GAB2: variants seen among roughly 807,000 people sequenced by gnomAD.
The protein encoded by GAB2 is GRB2 associated binding protein 2.
In GAB2, 26 loss-of-function variants were observed where a neutral mutation model predicts 65.5. The ratio of observed to expected loss-of-function variants is 0.40; its 90% confidence interval spans 0.29 to 0.55. The LOEUF (loss-of-function observed/expected upper bound fraction) is 0.55, where lower values mean the gene tolerates loss of function less well. GAB2 is among the 20% of genes least tolerant of loss of function. The probability of loss-of-function intolerance (pLI) is 0.53; values close to 1 mark genes in which losing one functional copy is unlikely to be tolerated. For synonymous variants in GAB2, 321 were observed against 329.6 expected (o/e 0.97, Z 0.28); for missense variants, 884 against 875.8 (o/e 1.01, Z -0.12).
chr11:78,236,564 C>T (rs904876146), intron 3 of GAB2, among the ~76,000 whole-genome samples: 2 of 152,120 alleles, frequency 1.3e-5, no homozygotes, highest in Admixed American at 6.5e-5. Flanking sequence ...GCATTATGTT[C>T]AATATTTCTC....
intron 1 of GAB2, among the ~76,000 whole-genome samples, chr11:78,406,829 A>G (rs7110387): frequency 0.16 from 24,962 of 152,250 alleles, 2,764 homozygotes; most frequent in East Asian, 0.43. Flanking sequence ...GCAGGTACAA[A>G]CATGCTTGGA....
intron 1 of GAB2, among the ~76,000 whole-genome samples, chr11:78,349,238 C>T (rs1384692480): frequency 6.6e-6 from 1 of 152,170 alleles, no homozygotes; most frequent in Non-Finnish European, 1.5e-5. Context: ...CCACTGGAAA[C>T]AAGTTAGCAA....
chr11:78,356,713 G>A (rs1856364145), intron 1 of GAB2, among the ~76,000 whole-genome samples: 1 of 152,156 alleles, frequency 6.6e-6, no homozygotes, highest in African/African-American at 2.4e-5. Flanking sequence ...GGAATCTGTA[G>A]AGAACAAAAG....
intron 1 of GAB2, among the ~76,000 whole-genome samples, chr11:78,351,724 A>C (rs1351455210): frequency 3.9e-5 from 6 of 152,168 alleles, no homozygotes; most frequent in African/African-American, 1.4e-4. Flanking sequence ...GAGCTAGGTA[A>C]GTAGATAGGG....
intron 1 of GAB2, among the ~76,000 whole-genome samples, chr11:78,342,723 A>C (rs191425243): frequency 6.6e-6 from 1 of 152,216 alleles, no homozygotes; most frequent in Non-Finnish European, 1.5e-5. Context: ...TTCTTGTTAG[A>C]TATCACAAAA....
chr11:78,396,319 CA>C (rs1410652157), intron 1 of GAB2, among the ~76,000 whole-genome samples: 1 of 152,158 alleles, frequency 6.6e-6, no homozygotes, highest in African/African-American at 2.4e-5. Flanking sequence ...TTAGTTTCAG[CA>C]AAATATCTAC....
intron 1 of GAB2, among the ~76,000 whole-genome samples, chr11:78,378,549 C>T (rs1386629459): frequency 6.6e-6 from 1 of 152,218 alleles, no homozygotes; most frequent in East Asian, 1.9e-4. Flanking sequence ...GATGTGAAGG[C>T]ATTGGTTCTC....
chr11:78,245,727 T>C (rs1865275994), intron 3 of GAB2, among the ~76,000 whole-genome samples: 1 of 152,246 alleles, frequency 6.6e-6, no homozygotes, highest in African/African-American at 2.4e-5. Flanking sequence ...GATTTACTAT[T>C]TCTGTTGCTC....
intron 2 of GAB2, among the ~76,000 whole-genome samples, chr11:78,271,699 T>TA (rs1361942295): frequency 2.6e-5 from 4 of 151,992 alleles, no homozygotes; most frequent in South Asian, 2.1e-4. Context: ...CACAACTCTT[T>TA]AAAAAAAAGG....
intron 1 of GAB2, among the ~76,000 whole-genome samples, chr11:78,401,729 CAT>C (rs1856976331): frequency 6.6e-6 from 1 of 152,066 alleles, no homozygotes; most frequent in African/African-American, 2.4e-5. Context: ...TGAACACACA[CAT>C]ATCACATTTT....
chr11:78,333,868 T>C (rs1323531331), intron 1 of GAB2, among the ~76,000 whole-genome samples: 1 of 152,190 alleles, frequency 6.6e-6, no homozygotes, highest in Non-Finnish European at 1.5e-5. Context: ...ATAAGGATCC[T>C]TTTAAGGTCT....
At chr11:78,326,170 A>G (rs1855819446) in intron 1 of GAB2, among the ~76,000 whole-genome samples, 2 of 152,224 alleles carry the variant, frequency 1.3e-5, no homozygotes. Flanking sequence ...CTTGGAGCTT[A>G]TTCTATATCC....
At chr11:78,277,517 C>A (rs1426685138) in intron 2 of GAB2, among the ~76,000 whole-genome samples, 1 of 152,182 alleles carries the variant, frequency 6.6e-6, no homozygotes, top group Non-Finnish European at 1.5e-5. Flanking sequence ...TTTCTGATAC[C>A]ATCTCAGGAG....
At chr11:78,344,020 G>A (rs2134695025) in intron 1 of GAB2, among the ~76,000 whole-genome samples, 1 of 152,242 alleles carries the variant, frequency 6.6e-6, no homozygotes, top group East Asian at 1.9e-4. Context: ...AAGGTGATGA[G>A]TTGAAGGACT....
intron 1 of GAB2, among the ~76,000 whole-genome samples, chr11:78,391,673 A>C (rs1223047342): frequency 6.6e-6 from 1 of 152,188 alleles, no homozygotes; most frequent in South Asian, 2.1e-4. Flanking sequence ...ACAGGTATGT[A>C]AGTGATGCTT....
intron 1 of GAB2, among the ~76,000 whole-genome samples, chr11:78,292,850 C>A (rs1866718396): frequency 6.6e-6 from 1 of 152,210 alleles, no homozygotes; most frequent in South Asian, 2.1e-4. Flanking sequence ...CTCATTATCA[C>A]ATTTAATCCT....
rs1864114104 is a variant in GAB2, at chr11:78,215,892, C to T, written c.*3380G>A. ...TAGGGGTGCTGGGCCGAGATGTCCCCATGGGAGAAGGGGCCAGAGGGAGGA... is the reference window on the plus strand; with the variant it reads ...TAGGGGTGCTGGGCCGAGATGTCCCTATGGGAGAAGGGGCCAGAGGGAGGA... On this transcript the variant is annotated 3_prime_UTR_variant, in exon 10 of 10. Transcript: ENST00000361507. 2 of 152,690 alleles carry T rather than the reference C, an allele frequency of 1.3e-5. No individual in the cohort carries two copies. Among genetic ancestry groups the T allele is most frequent in the African/African-American group, 4.8e-5 (2 of 41,454 alleles). 9.5% of individuals were successfully genotyped at this position (152,690 alleles called of 1,614,324 possible).
intron 9 of GAB2, 36 bp downstream of exon 9, chr11:78,220,283 G>T (rs1410677652): frequency 6.2e-7 from 1 of 1,610,392 alleles, no homozygotes; most frequent in Non-Finnish European, 8.5e-7. Context: ...GGGACCCTGA[G>T]AGCTCTTACT....
intron 2 of GAB2, among the ~76,000 whole-genome samples, chr11:78,267,731 A>G (rs1007886990): frequency 2.0e-5 from 3 of 151,652 alleles, no homozygotes; most frequent in Non-Finnish European, 4.4e-5. Flanking sequence ...AGTGGCAGGC[A>G]CCTGTAGTCC....
Sources: allele counts gnomAD v4.1 joint callset (sites outside exome capture counted in the v4.1 genomes callset), GRCh38; gene constraint gnomAD v4.1.1; transcripts MANE v1.5; gene names NCBI Gene and HGNC (gene_info 2026-07-23, HGNC 2026-07-21).